Variants in BANK1 observed in about 807,000 individuals in gnomAD.
BANK1 encodes B cell scaffold protein with ankyrin repeats 1, also known as B-cell scaffold protein with ankyrin repeats.
Under a neutral mutation model 94.5 loss-of-function variants are expected in BANK1, and 95 were observed. That is an observed-to-expected ratio of 1.00 (90% CI 0.85 to 1.19). BANK1 has a LOEUF of 1.19. Among genes scored for constraint, BANK1 ranks in the 50% most tolerant of loss-of-function variants. The pLI, the probability that BANK1 is intolerant of heterozygous loss-of-function variation, is 0.00. For synonymous variants in BANK1, 334 were observed against 308.4 expected, an observed-to-expected ratio of 1.08 and a Z score of -0.87; for missense variants, 987 against 932.2, an observed-to-expected ratio of 1.06 and a Z score of -0.77.
intron 7 of BANK1, among the ~76,000 whole-genome samples, chr4:101,990,644 GAAGATCTATATCCA>G (rs1725668135): frequency 6.6e-6 from 1 of 152,086 alleles, no homozygotes; most frequent in African/African-American, 2.4e-5. Context: ...GTAAAGCAAG[GAAGATCTATATCCA>G]AAAATCCCAT....
At chr4:101,850,696 G>T (rs1397832386) in intron 2 of BANK1, among the ~76,000 whole-genome samples, 2 of 152,108 alleles carry the variant, frequency 1.3e-5, no homozygotes, top group Non-Finnish European at 2.9e-5. Flanking sequence ...GTATGCACTT[G>T]CCTCATGTTT....
intron 1 of BANK1, among the ~76,000 whole-genome samples, chr4:101,806,053 A>G (rs922420935): frequency 5.9e-5 from 9 of 151,952 alleles, no homozygotes; most frequent in African/African-American, 1.7e-4. Context: ...AATATCCTCT[A>G]TGTGTGCCTA....
At chr4:101,999,885 T>C (rs1434122186) in intron 7 of BANK1, among the ~76,000 whole-genome samples, 2 of 152,262 alleles carry the variant, frequency 1.3e-5, no homozygotes, top group South Asian at 2.1e-4. Flanking sequence ...AAAGAAGGTA[T>C]AGTATTTTCA....
At chr4:101,860,719 C>T (rs1007376018) in intron 3 of BANK1, among the ~76,000 whole-genome samples, 1 of 152,196 alleles carries the variant, frequency 6.6e-6, no homozygotes, top group Non-Finnish European at 1.5e-5. Flanking sequence ...GCATGAGCCA[C>T]CGCACCCGGC....
chr4:101,921,978 C>T (rs1178986039), intron 7 of BANK1, among the ~76,000 whole-genome samples: 3 of 150,804 alleles, frequency 2.0e-5, no homozygotes, highest in African/African-American at 7.3e-5. Context: ...TCTATCCCTA[C>T]ACTGCTCTTT....
At chr4:101,886,258 C>G (rs1728851498) in intron 5 of BANK1, among the ~76,000 whole-genome samples, 1 of 152,150 alleles carries the variant, frequency 6.6e-6, no homozygotes, top group Non-Finnish European at 1.5e-5. Context: ...TATTAGAGCC[C>G]TTTGTTCCAG....
At chr4:101,791,344 A>G (rs923462959) in intron 1 of BANK1, among the ~76,000 whole-genome samples, 2 of 152,230 alleles carry the variant, frequency 1.3e-5, no homozygotes, top group African/African-American at 2.4e-5. Flanking sequence ...AAGCACAGAA[A>G]AACCGCTCAT....
intron 10 of BANK1, among the ~76,000 whole-genome samples, chr4:102,039,066 C>A (rs1051391950): frequency 6.6e-6 from 1 of 152,106 alleles, no homozygotes; most frequent in Non-Finnish European, 1.5e-5. Context: ...TCAGTGATCT[C>A]ATATATTCTG....
rs991676994 is a variant in BANK1, at chr4:101,851,458, T to C, written c.470-3577T>C. The stretch of plus-strand genomic sequence containing the variant: ...GGCACAACTGTATGCACTAGAGATA[T>C]AGAGGTGTCAAGTTCGACTAAGGTG... On this transcript the variant is annotated intron_variant, in intron 2 of 16. Transcript: ENST00000322953. 4.6e-5 allele frequency among the ~76,000 whole-genome samples: 7 copies of C among 152,184 alleles called. No homozygotes were observed. In the South Asian group the frequency reaches 8.3e-4, roughly 18 times the overall value.
At chr4:101,834,026 C>T (rs989818769) in intron 2 of BANK1, among the ~76,000 whole-genome samples, 8 of 152,144 alleles carry the variant, frequency 5.3e-5, no homozygotes, top group African/African-American at 1.2e-4. Flanking sequence ...TTTTAGATGG[C>T]TCTCCACACC....
At chr4:102,043,723 C>A in intron 10 of BANK1, 116 bp from the exon 11 acceptor site, 1 of 578,390 alleles carries the variant, frequency 1.7e-6, no homozygotes, top group Non-Finnish European at 3.1e-6. Flanking sequence ...TAATACAATT[C>A]AGGAACTGAT....
chr4:102,005,382 A>T (rs1174426503), intron 7 of BANK1, among the ~76,000 whole-genome samples: 1 of 152,048 alleles, frequency 6.6e-6, no homozygotes, highest in South Asian at 2.1e-4. Flanking sequence ...CATCAATAGG[A>T]CATGTTTTTC....
intron 5 of BANK1, among the ~76,000 whole-genome samples, chr4:101,881,782 G>A (rs1221641818): frequency 6.6e-6 from 1 of 152,086 alleles, no homozygotes; most frequent in Non-Finnish European, 1.5e-5. Context: ...GGATAGAACT[G>A]GAGGACGGTA....
intron 10 of BANK1, among the ~76,000 whole-genome samples, chr4:102,039,032 C>T (rs1256177207): frequency 6.6e-6 from 1 of 152,160 alleles, no homozygotes. Flanking sequence ...CTCTGCTTAT[C>T]TGAATAGTAA....
chr4:101,866,590 C>T (rs1224833957), intron 4 of BANK1, among the ~76,000 whole-genome samples: 1 of 151,938 alleles, frequency 6.6e-6, no homozygotes, highest in Non-Finnish European at 1.5e-5. Flanking sequence ...TTGTCAGAAG[C>T]CAGAGAAAAC....
At chr4:101,818,974 G>A (rs1222758504) in intron 1 of BANK1, among the ~76,000 whole-genome samples, 1 of 150,866 alleles carries the variant, frequency 6.6e-6, no homozygotes, top group Non-Finnish European at 1.5e-5. Context: ...TCTCTGGTAG[G>A]ATTCTGACAT....
At chr4:101,851,562 T>C (rs769115885) in intron 2 of BANK1, among the ~76,000 whole-genome samples, 3 of 152,090 alleles carry the variant, frequency 2.0e-5, no homozygotes, top group South Asian at 2.1e-4. Context: ...GGAAGGATAA[T>C]CTTGGGTGGC....
At chr4:101,812,596 A>C (rs1176251991) in intron 1 of BANK1, among the ~76,000 whole-genome samples, 1 of 151,930 alleles carries the variant, frequency 6.6e-6, no homozygotes, top group East Asian at 1.9e-4. Context: ...GTTTTTGATG[A>C]TACTATTCTA....
At chr4:101,887,584 A>G (rs1178246761) in intron 5 of BANK1, among the ~76,000 whole-genome samples, 2 of 152,198 alleles carry the variant, frequency 1.3e-5, no homozygotes, top group African/African-American at 4.8e-5. Context: ...TCAGTTAATT[A>G]TTATTGAGAT....
Sources: gnomAD v4.1 joint callset for allele counts (sites outside exome capture counted in the v4.1 genomes callset) on GRCh38, gnomAD v4.1.1 for gene constraint, MANE v1.5 for transcripts, NCBI Gene and HGNC (gene_info 2026-07-23, HGNC 2026-07-21) for gene names.